SIGLEC1: variants seen among roughly 807,000 people sequenced by gnomAD.
SIGLEC1 encodes sialic acid binding Ig like lectin 1.
In SIGLEC1, 132 loss-of-function variants were observed where a neutral mutation model predicts 148.0. The observed-to-expected ratio is 0.89, with a 90% CI of 0.77 to 1.03. The LOEUF (loss-of-function observed/expected upper bound fraction) is 1.03. Among genes scored for constraint, SIGLEC1 ranks in the 50% least tolerant of loss-of-function variants. SIGLEC1 has a pLI of 0.00. For synonymous variants in SIGLEC1, 945 were observed against 969.0 expected (o/e 0.98, Z 0.46); for missense variants, 2,253 against 2,271.4 (o/e 0.99, Z 0.16).
In SIGLEC1 at chr20:3,693,586, C is replaced by T; in HGVS notation, c.3369G>A (p.Gln1123=). ...GGGCATCCAGGCGCTGCTGCCCATC[C>T]TGGTACCATGTGTAGGTGAGCTGGG... ...HPAQLTYTWY[Q]DGQQRLDAHS... The change falls in exon 14 of 22, where the codon CAG becomes CAA. Residue 1123 remains glutamine, a synonymous_variant. Transcript: ENST00000344754. The T allele has an allele frequency of 6.2e-7, 1 of 1,613,028 alleles. No individual in the cohort carries two copies. Among genetic ancestry groups the T allele is most frequent in the Non-Finnish European group, 8.5e-7 (1 of 1,179,760 alleles).
chr20:3,689,812 GCTCTCCA>G, intron 19 of SIGLEC1, 110 bp from the exon 20 acceptor site: 1 of 1,202,272 alleles, frequency 8.3e-7, no homozygotes, highest in Non-Finnish European at 1.2e-6. Context: ...TATCGCTGAA[GCTCTCCA>G]CACAAGGGTG....
chr20:3,688,651 G>C, intron 21 of SIGLEC1, 32 bp from the exon 22 acceptor site: 2 of 1,543,218 alleles, frequency 1.3e-6, no homozygotes, highest in Non-Finnish European at 1.8e-6. Flanking sequence ...GTCACAGGAG[G>C]CCTCTGGGAG....
At chr20:3,696,103 G>A (rs1423931679) in intron 11 of SIGLEC1, among the ~76,000 whole-genome samples, 4 of 146,856 alleles carry the variant, frequency 2.7e-5, no homozygotes, top group African/African-American at 7.9e-5. Context: ...CGGCCTGAGG[G>A]AGGATTTTTA....
At position 3,707,085 on chromosome 20, in the gene SIGLEC1, G is replaced by A. The variant is rs2087902417; in HGVS notation, c.44C>T (p.Pro15Leu). ...PKLLLLASFF[P>L]AGQASWGVSS... ...ACTAGGCCCGCAAAGCTTACCTGCT[G>A]GGAAGAATGAGGCCAGGAGGAGAAG... Residue 15 changes from proline to leucine, a missense_variant, in exon 2 of 22, where the codon CCA (proline) becomes CTA (leucine). Coordinates refer to ENST00000344754, the MANE Select transcript of SIGLEC1 (RefSeq NM_023068.4). The A allele has an allele frequency of 4.3e-6, 7 of 1,613,898 alleles. No individual in the cohort carries two copies. The highest frequency in any genetic ancestry group is 5.9e-6 in the Non-Finnish European group (7 of 1,179,922).
chr20:3,689,892 G>A (rs1381385807), intron 19 of SIGLEC1, 70 bp downstream of exon 19: 1 of 1,363,672 alleles, frequency 7.3e-7, no homozygotes, highest in African/African-American at 1.4e-5. Context: ...ATACAGGGAA[G>A]GAAGCCTTTG....
chr20:3,689,915 G>C (rs1362346172), intron 19 of SIGLEC1, 47 bp downstream of exon 19: 1 of 1,516,490 alleles, frequency 6.6e-7, no homozygotes, highest in East Asian at 2.3e-5. Flanking sequence ...CCTAAGAGCT[G>C]GGCTTTTGTG....
chr20:3,695,189 G>A (rs940740428), intron 11 of SIGLEC1, among the ~76,000 whole-genome samples: 4 of 152,190 alleles, frequency 2.6e-5, no homozygotes, highest in Non-Finnish European at 5.9e-5. Context: ...CTACCAAAGC[G>A]TAAGCCTTAT....
In SIGLEC1 at chr20:3,696,848, C is replaced by T. The variant is rs761151048; in HGVS notation, c.2421G>A (p.Met807Ile). The change falls in exon 11 of 22, where the codon ATG (methionine) becomes ATA (isoleucine). Residue 807 changes from methionine to isoleucine, a missense_variant. Met to Ile is a conservative substitution (Grantham distance 10). Transcript: ENST00000344754. Reference protein sequence around the residue: ...DRPKLSALLDMGQGHMALFIC... With the variant: ...DRPKLSALLDIGQGHMALFIC... Reference sequence around the variant, plus strand: ...TGAACAGAGCCATGTGGCCCTGGCCCATGTCTAGGAGGGCTGACAGCTTTG... The same window carrying T: ...TGAACAGAGCCATGTGGCCCTGGCCTATGTCTAGGAGGGCTGACAGCTTTG... 1.9e-6 allele frequency: 3 copies of T among 1,581,386 alleles called. No individual in the cohort carries two copies. The Admixed American group carries it at 5.3e-5, about 28-fold the overall frequency.
rs1363546290 is a variant in SIGLEC1, at chr20:3,701,580, G to A, written c.1290C>T (p.Ile430=). The A allele has an allele frequency of 1.2e-6, 2 of 1,602,292 alleles. No homozygotes were observed. Among genetic ancestry groups the A allele is most frequent in the Non-Finnish European group, 8.5e-7 (1 of 1,171,148 alleles). ...GCTCACTGACCACAGAGCAGTGAAGGATGCCCACAAGTCCCGCCTGGGTCT... is the reference window on the plus strand; with the variant it reads ...GCTCACTGACCACAGAGCAGTGAAGAATGCCCACAAGTCCCGCCTGGGTCT... ...FLETQAGLVG[I]LHCSVVSEPL... The change falls in exon 7 of 22, where the codon ATC becomes ATT. Residue 430 remains isoleucine (I), a synonymous_variant. Coordinates refer to ENST00000344754, the MANE Select transcript of SIGLEC1 (RefSeq NM_023068.4).
chr20:3,699,241 C>A lies in SIGLEC1; in HGVS notation c.1747G>T (p.Ala583Ser). The A allele has an allele frequency of 6.2e-7, 1 of 1,610,584 alleles. No individual in the cohort carries two copies. The highest frequency in any genetic ancestry group is 8.5e-7 in the Non-Finnish European group (1 of 1,179,146). The change falls in exon 8 of 22, where the codon GCC (alanine) becomes TCC (serine). Residue 583 changes from alanine to serine, a missense_variant. Physicochemically the swap from Ala to Ser is moderately conservative, Grantham distance 99. Coordinates refer to ENST00000344754, the MANE Select transcript of SIGLEC1 (RefSeq NM_023068.4). ...YHCRARDGHS[A>S]SGPSSPAVLT... ...ACAGCTGGCGAAGAGGGGCCACTGG[C>A]ACTGTGGCCGTCCCGGGCCCGGCAG...
In SIGLEC1 at chr20:3,697,821, G is replaced by C; in HGVS notation, c.2099C>G (p.Thr700Ser). The change falls in exon 9 of 22, where the codon ACC becomes AGC. Residue 700 changes from threonine (T) to serine (S), a missense_variant. Physicochemically the swap from Thr to Ser is moderately conservative, Grantham distance 58. Transcript: ENST00000344754. ...EASNALGNAS[T>S]SATFNGQATV... is the part of the protein sequence containing the mutation. ...ACCCTGGCCATTGAAGGTGGCTGAG[G>C]TGGAGGCGTTGCCCAGGGCATTGCT... The C allele has an allele frequency of 6.2e-7, 1 of 1,612,878 alleles. No individual in the cohort carries two copies. The highest frequency in any genetic ancestry group is 8.5e-7 in the Non-Finnish European group (1 of 1,179,960).
chr20:3,688,829 C>T (rs983615543), intron 21 of SIGLEC1: 8 of 595,428 alleles, frequency 1.3e-5, no homozygotes, highest in South Asian at 4.0e-5. Context: ...GCCCAGGTGA[C>T]GGGCAGGCTT....
rs775277026 is a variant in SIGLEC1, at chr20:3,699,248, GC to G, written c.1739del (p.Gly580AlafsTer84). ...GCGAAGAGGGGCCACTGGCACTGTG[GC>G]CGTCCCGGGCCCGGCAGTGGTATGA... Reference protein sequence around the residue: ...AGSYHCRARDGHSASGPSSPA... With the variant: ...AGSYHCRARDXHSASGPSSPA... On this transcript the variant is annotated frameshift_variant, in exon 8 of 22. Transcript: ENST00000344754. LOFTEE classifies it high-confidence loss of function. The G allele has an allele frequency of 1.2e-5, 20 of 1,610,058 alleles. No homozygotes were observed. The highest frequency in any genetic ancestry group is 1.7e-5 in the Non-Finnish European group (20 of 1,178,964).
In SIGLEC1 at chr20:3,693,684, C is replaced by A. The variant is rs781653133; in HGVS notation, c.3271G>T (p.Val1091Leu). 2 of 1,587,522 alleles carry A rather than the reference C, an allele frequency of 1.3e-6. No homozygotes were observed. Among genetic ancestry groups the A allele is most frequent in the Non-Finnish European group, 1.7e-6 (2 of 1,165,492 alleles). ...TCCCGCACGGTAGCCCCGGGCCACACCTGCACATTCACAGCTGGGGAGAGG... is the reference window on the plus strand; with the variant it reads ...TCCCGCACGGTAGCCCCGGGCCACAACTGCACATTCACAGCTGGGGAGAGG... ...DFDAQAVNVQ[V>L]WPGATVREGQ... Residue 1091 changes from valine to leucine, a missense_variant, in exon 14 of 22, where the codon GTG (valine) becomes TTG (leucine). By Grantham distance (32) the Val-to-Leu change is conservative. Coordinates refer to ENST00000344754, the MANE Select transcript of SIGLEC1 (RefSeq NM_023068.4).
Position 3,699,336 on chromosome 20 carries a change from AG to A in SIGLEC1, c.1651del (p.Leu551CysfsTer113). 1 of 1,609,184 alleles carries A rather than the reference AG, an allele frequency of 6.2e-7. No homozygotes were observed. The highest frequency in any genetic ancestry group is 8.5e-7 in the Non-Finnish European group (1 of 1,178,550). On this transcript the variant is annotated frameshift_variant, in exon 8 of 22. Coordinates refer to ENST00000344754, the MANE Select transcript of SIGLEC1 (RefSeq NM_023068.4). LOFTEE classifies it high-confidence loss of function. ...GCTGCTGCCGGGACCCTCGTGAAGC[AG>A]GGCTCCATTCAGGTACCAGGAGAAG... ...ARFSWYLNGA[L>X]LHEGPGSSLL...
chr20:3,705,626 A>G, intron 4 of SIGLEC1, 118 bp downstream of exon 4: 2 of 1,133,810 alleles, frequency 1.8e-6, no homozygotes, highest in Non-Finnish European at 2.5e-6. Flanking sequence ...GAGGCCCAGG[A>G]GCAGCCTGGT....
intron 13 of SIGLEC1, 108 bp from the exon 14 acceptor site, chr20:3,693,806 G>T: frequency 8.2e-7 from 1 of 1,223,558 alleles, no homozygotes; most frequent in Non-Finnish European, 1.1e-6. Flanking sequence ...GAGCCCCTTG[G>T]CCTTTGGGAG....
Position 3,701,654 on chromosome 20 carries a change from G to A in SIGLEC1, c.1229-13C>T, listed in dbSNP as rs371795714. 3.2e-5 allele frequency: 49 copies of A among 1,539,252 alleles called. No individual in the cohort carries two copies. The highest frequency in any genetic ancestry group is 1.4e-4 in the African/African-American group (10 of 73,104). On this transcript the variant is annotated splice_polypyrimidine_tract_variant and intron_variant, in intron 6 of 21. Coordinates refer to ENST00000344754, the MANE Select transcript of SIGLEC1 (RefSeq NM_023068.4). Reference sequence around the variant, plus strand: ...GTGAGAGGCGGGTCTGTGTGGAGACGAGAGGTGGGCCTGTCACCCTCAGAC... The same window carrying A: ...GTGAGAGGCGGGTCTGTGTGGAGACAAGAGGTGGGCCTGTCACCCTCAGAC...
At chr20:3,706,215 C>A in intron 3 of SIGLEC1, 132 bp downstream of exon 3, 1 of 1,382,228 alleles carries the variant, frequency 7.2e-7, no homozygotes, top group Non-Finnish European at 9.7e-7. Context: ...CCTGGGCCTA[C>A]GCCGGGGCTG....
Sources: gnomAD v4.1 joint callset for allele counts (sites outside exome capture counted in the v4.1 genomes callset) on GRCh38, gnomAD v4.1.1 for gene constraint, MANE v1.5 for transcripts, NCBI Gene and HGNC (gene_info 2026-07-23, HGNC 2026-07-21) for gene names.